Variants in EPS15 observed in about 807,000 individuals in gnomAD.
The protein encoded by EPS15 is epidermal growth factor receptor pathway substrate 15, also known as epidermal growth factor receptor substrate 15.
Under a neutral mutation model 113.8 loss-of-function variants are expected in EPS15, and 72 were observed. The ratio of observed to expected loss-of-function variants is 0.63; its 90% CI spans 0.52 to 0.77. The LOEUF (loss-of-function observed/expected upper bound fraction) is 0.77, where lower values mean the gene tolerates loss of function less well. EPS15 is among the 30% of genes least tolerant of loss of function. The pLI, the probability that EPS15 is intolerant of heterozygous loss-of-function variation, is 0.00. For missense variants in EPS15, 1,048 were observed against 1,045.8 expected (o/e 1.00, Z -0.03); for synonymous variants, 344 against 363.4 (o/e 0.95, Z 0.61).
At chr1:51,478,244 A>G (rs1444040454) in intron 2 of EPS15, among the ~76,000 whole-genome samples, 1 of 152,068 alleles carries the variant, frequency 6.6e-6, no homozygotes, top group African/African-American at 2.4e-5. Flanking sequence ...TTGTTGGTTT[A>G]AAGTCTGTTT....
chr1:51,370,524 C>T (rs1304078125), intron 21 of EPS15, among the ~76,000 whole-genome samples: 5 of 151,532 alleles, frequency 3.3e-5, no homozygotes, highest in African/African-American at 9.7e-5. Flanking sequence ...ATGCTCAACC[C>T]GTATTTGATA....
chr1:51,490,685 A>C (rs1451740979), intron 1 of EPS15, among the ~76,000 whole-genome samples: 1 of 152,178 alleles, frequency 6.6e-6, no homozygotes, highest in Non-Finnish European at 1.5e-5. Context: ...TCAGTAAATA[A>C]ATTAATAAAA....
intron 12 of EPS15, among the ~76,000 whole-genome samples, chr1:51,436,128 T>G (rs186838918): frequency 6.6e-6 from 1 of 152,338 alleles, no homozygotes; most frequent in East Asian, 1.9e-4. Flanking sequence ...AAATAGCTTT[T>G]TAGTACCACA....
chr1:51,400,071 C>A (rs967174710), intron 19 of EPS15, among the ~76,000 whole-genome samples: 2 of 152,166 alleles, frequency 1.3e-5, no homozygotes, highest in Admixed American at 1.3e-4. Flanking sequence ...ATAAAAACTT[C>A]TAAATGTATT....
intron 8 of EPS15, among the ~76,000 whole-genome samples, chr1:51,454,136 T>C (rs765621456): frequency 2.6e-5 from 4 of 151,846 alleles, no homozygotes; most frequent in Non-Finnish European, 5.9e-5. Context: ...CAGTTAATTT[T>C]AATACAACGT....
At chr1:51,508,338 G>GAGAAAGAA (rs369528436) in intron 1 of EPS15, among the ~76,000 whole-genome samples, 20,868 of 121,982 alleles carry the variant, frequency 0.17, 2,186 homozygotes, top group East Asian at 0.22. Flanking sequence ...AAGAGAAAGA[G>GAGAAAGAA]AGAAAGAAAG....
At chr1:51,498,832 G>A (rs1193815249) in intron 1 of EPS15, among the ~76,000 whole-genome samples, 1 of 152,018 alleles carries the variant, frequency 6.6e-6, no homozygotes, top group African/African-American at 2.4e-5. Flanking sequence ...GAATGTTTGT[G>A]TCCCCAAAAT....
At position 51,466,047 on chromosome 1, in the gene EPS15, A is replaced by G. The variant is rs12058897; in HGVS notation, c.310-721T>C. Among the ~76,000 whole-genome samples, 671 of 147,784 alleles carry G rather than the reference A, an allele frequency of 4.5e-3. 7 individuals are homozygous for G. Among genetic ancestry groups the G allele is most frequent in the African/African-American group, 0.016 (617 of 39,744 alleles). The stretch of plus-strand genomic sequence containing the variant: ...AAGAGGAGCCATAAAATATCTGGGG[A>G]AAAAAAGGAGTGAGGTGGGGAGGAC... On this transcript the variant is annotated intron_variant, in intron 5 of 24. Transcript: ENST00000371733.
At chr1:51,406,269 A>G (rs1649120320) in intron 15 of EPS15, among the ~76,000 whole-genome samples, 161 bp from the exon 16 acceptor site, 1 of 152,174 alleles carries the variant, frequency 6.6e-6, no homozygotes. Context: ...TCAGCCCAGG[A>G]GTTCAAGACC....
chr1:51,475,150 A>C (rs994400289), intron 2 of EPS15, among the ~76,000 whole-genome samples: 1 of 152,150 alleles, frequency 6.6e-6, no homozygotes, highest in South Asian at 2.1e-4. Flanking sequence ...ATATGTGTGC[A>C]TGTGTCTTTA....
At chr1:51,453,650 A>G (rs538356327) in intron 8 of EPS15, among the ~76,000 whole-genome samples, 146 of 152,338 alleles carry the variant, frequency 9.6e-4, no homozygotes, top group African/African-American at 3.4e-3. Context: ...AAGTAAAAGT[A>G]TAAAAAATTT....
At chr1:51,455,408 G>A (rs904499250) in intron 8 of EPS15, among the ~76,000 whole-genome samples, 12 of 151,958 alleles carry the variant, frequency 7.9e-5, no homozygotes, top group Admixed American at 2.0e-4. Context: ...TGGCCAACAC[G>A]GCGAAACCCC....
intron 12 of EPS15, among the ~76,000 whole-genome samples, chr1:51,438,493 G>T (rs2148471844): frequency 6.6e-6 from 1 of 152,146 alleles, no homozygotes; most frequent in African/African-American, 2.4e-5. Flanking sequence ...ATTCATTATA[G>T]AAATATTTTA....
At chr1:51,420,001 C>A (rs889351273) in intron 13 of EPS15, among the ~76,000 whole-genome samples, 1 of 152,074 alleles carries the variant, frequency 6.6e-6, no homozygotes, top group Non-Finnish European at 1.5e-5. Flanking sequence ...TAACCCAAAT[C>A]TTTAATTAAT....
Position 51,489,280 on chromosome 1 carries a change from G to A in EPS15, c.34-7966C>T, listed in dbSNP as rs187009159. On this transcript the variant is annotated intron_variant, in intron 1 of 24. Coordinates refer to ENST00000371733, the MANE Select transcript of EPS15 (RefSeq NM_001981.3). The stretch of plus-strand genomic sequence containing the variant: ...AAAAATTTTTACAAAGTATAGCCTA[G>A]TATACCATATATATATATATATATA... Among the ~76,000 whole-genome samples, 1,160 of 140,266 alleles carry A rather than the reference G, an allele frequency of 8.3e-3. 19 individuals are homozygous for A. Among genetic ancestry groups the A allele is most frequent in the African/African-American group, 0.03 (1,123 of 37,200 alleles). The allele number at this position is 140,266 out of a possible 152,430, so 92.0% of individuals were successfully genotyped here.
chr1:51,488,016 CAA>C (rs1042299945), intron 1 of EPS15, among the ~76,000 whole-genome samples: 8 of 152,078 alleles, frequency 5.3e-5, no homozygotes, highest in South Asian at 4.1e-4. Context: ...TAAATGGTAA[CAA>C]TGATTATCTC....
intron 1 of EPS15, 103 bp downstream of exon 1, chr1:51,519,096 A>C: frequency 1.3e-6 from 1 of 768,212 alleles, no homozygotes; most frequent in Non-Finnish European, 1.9e-6. Flanking sequence ...ACAAGCCAAG[A>C]AGCTGCCTGC....
At position 51,471,800 on chromosome 1, in the gene EPS15, T is replaced by G. The variant is rs139353627; in HGVS notation, c.166-63A>C. The stretch of plus-strand genomic sequence containing the variant: ...AAACAAAAGTCATCTGAATGATAAA[T>G]TAAATCTCTGCTATTTACAACCTCA... On this transcript the variant is annotated intron_variant, in intron 3 of 24. Coordinates refer to ENST00000371733, the MANE Select transcript of EPS15 (RefSeq NM_001981.3). 66 of 1,180,348 alleles carry G rather than the reference T, an allele frequency of 5.6e-5. No individual in the cohort carries two copies. In the African/African-American group the frequency reaches 8.5e-4, roughly 15 times the overall value. 73.1% of individuals were successfully genotyped at this position (1,180,348 alleles called of 1,614,324 possible). A position where few individuals can be genotyped will look rare whatever the true frequency, so the allele number is the denominator to read the frequency against.
At chr1:51,460,062 A>G (rs548255144) in intron 8 of EPS15, among the ~76,000 whole-genome samples, 2 of 152,354 alleles carry the variant, frequency 1.3e-5, no homozygotes, top group South Asian at 4.1e-4. Context: ...TAACAGATCA[A>G]TAAACTAGAC....
Sources: gnomAD v4.1 joint callset for allele counts (sites outside exome capture counted in the v4.1 genomes callset) on GRCh38, gnomAD v4.1.1 for gene constraint, MANE v1.5 for transcripts, NCBI Gene and HGNC (gene_info 2026-07-23, HGNC 2026-07-21) for gene names.